The following RSRC1 variants were observed in gnomAD, a reference collection of about 807,000 sequenced individuals.
The protein encoded by RSRC1 is serine/Arginine-related protein 53.
A neutral mutation model predicts 49.1 loss-of-function variants in RSRC1; 39 were observed. The ratio of observed to expected loss-of-function variants is 0.79; its 90% confidence interval spans 0.61 to 1.04. The LOEUF (loss-of-function observed/expected upper bound fraction) is 1.04. Ranked by LOEUF, RSRC1 falls within the 50% of genes least tolerant of loss-of-function variation. The probability of loss-of-function intolerance (pLI) is 0.00; values close to 1 mark genes in which losing one functional copy is unlikely to be tolerated. For synonymous variants in RSRC1, 143 were observed against 130.8 expected, an observed-to-expected ratio of 1.09 and a Z score of -0.63; for missense variants, 388 against 402.4, an observed-to-expected ratio of 0.96 and a Z score of 0.31.
At chr3:158,353,589 T>C (rs557375583) in intron 5 of RSRC1, among the ~76,000 whole-genome samples, 1 of 152,332 alleles carries the variant, frequency 6.6e-6, no homozygotes, top group East Asian at 1.9e-4. Context: ...ACTTGTCTCA[T>C]CTACCACTCT....
intron 5 of RSRC1, among the ~76,000 whole-genome samples, chr3:158,309,625 A>G (rs1021788089): frequency 1.3e-5 from 2 of 151,816 alleles, no homozygotes; most frequent in Non-Finnish European, 1.5e-5. Flanking sequence ...TTATACTGGT[A>G]CACTCTTATA....
At chr3:158,299,117 G>A (rs2108119475) in intron 5 of RSRC1, among the ~76,000 whole-genome samples, 1 of 152,154 alleles carries the variant, frequency 6.6e-6, no homozygotes, top group East Asian at 1.9e-4. Context: ...TCAGAAGTTA[G>A]TAAATAACAT....
intron 6 of RSRC1, among the ~76,000 whole-genome samples, chr3:158,388,798 A>T (rs902935668): frequency 6.6e-6 from 1 of 151,898 alleles, no homozygotes; most frequent in Non-Finnish European, 1.5e-5. Context: ...TTTAGTAGAG[A>T]TGGGGTTTCA....
chr3:158,137,135 C>T (rs1304356765), intron 3 of RSRC1, among the ~76,000 whole-genome samples: 1 of 152,144 alleles, frequency 6.6e-6, no homozygotes, highest in African/African-American at 2.4e-5. Flanking sequence ...AGCACTTTTA[C>T]ACTGACATGC....
chr3:158,311,280 C>G (rs147341412), intron 5 of RSRC1, among the ~76,000 whole-genome samples: 152 of 151,918 alleles, frequency 1.0e-3, no homozygotes, highest in African/African-American at 3.4e-3. Context: ...TATATAGTCC[C>G]TTAGCACCTG....
intron 3 of RSRC1, among the ~76,000 whole-genome samples, chr3:158,137,089 CTATT>C (rs1228542708): frequency 6.6e-6 from 1 of 152,132 alleles, no homozygotes; most frequent in African/African-American, 2.4e-5. Flanking sequence ...ATTCAGGTCA[CTATT>C]TATTTTCATT....
intron 7 of RSRC1, among the ~76,000 whole-genome samples, chr3:158,530,439 T>C (rs1712316057): frequency 6.6e-6 from 1 of 151,962 alleles, no homozygotes; most frequent in Non-Finnish European, 1.5e-5. Context: ...TCTAGCCCTC[T>C]AGCCTGCTCT....
chr3:158,341,742 C>T (rs1730253231), intron 5 of RSRC1, among the ~76,000 whole-genome samples: 4 of 152,142 alleles, frequency 2.6e-5, no homozygotes, highest in Admixed American at 2.6e-4. Context: ...CCCAGAATCA[C>T]AGATCTATTG....
intron 4 of RSRC1, among the ~76,000 whole-genome samples, chr3:158,229,355 CACAT>C (rs1222983167): frequency 0.14 from 12,999 of 93,624 alleles, 2,254 homozygotes; most frequent in East Asian, 0.42. Context: ...TATATATATA[CACAT>C]ATACACACGT....
intron 3 of RSRC1, among the ~76,000 whole-genome samples, chr3:158,156,805 T>TA: frequency 6.6e-6 from 1 of 152,278 alleles, no homozygotes; most frequent in South Asian, 2.1e-4. Flanking sequence ...TGAAAATAAT[T>TA]AGAGTAGTAA....
At chr3:158,513,319 G>A (rs1160408200) in intron 7 of RSRC1, among the ~76,000 whole-genome samples, 1 of 151,942 alleles carries the variant, frequency 6.6e-6, no homozygotes. Context: ...AGAGTTTTTA[G>A]CATGAAGGGT....
chr3:158,447,355 T>G (rs891770204), intron 6 of RSRC1, among the ~76,000 whole-genome samples: 2 of 152,044 alleles, frequency 1.3e-5, no homozygotes, highest in Admixed American at 6.6e-5. Flanking sequence ...GAATATTAAT[T>G]TATTAATAAC....
chr3:158,293,868 T>C (rs1408147491), intron 4 of RSRC1, among the ~76,000 whole-genome samples: 2 of 152,130 alleles, frequency 1.3e-5, no homozygotes, highest in Non-Finnish European at 2.9e-5. Flanking sequence ...TCTTCTTGTC[T>C]TCACTTTAGT....
intron 3 of RSRC1, among the ~76,000 whole-genome samples, chr3:158,184,683 A>G (rs1399870058): frequency 6.6e-6 from 1 of 152,156 alleles, no homozygotes; most frequent in Non-Finnish European, 1.5e-5. Context: ...CATTTAAGTT[A>G]TGTTTTACAT....
intron 4 of RSRC1, among the ~76,000 whole-genome samples, chr3:158,286,035 T>C (rs2108088386): frequency 6.6e-6 from 1 of 152,316 alleles, no homozygotes; most frequent in Non-Finnish European, 1.5e-5. Flanking sequence ...TTCCTAACTG[T>C]TTAAATGTGT....
intron 4 of RSRC1, among the ~76,000 whole-genome samples, chr3:158,256,914 G>A (rs1426795813): frequency 2.0e-5 from 3 of 151,938 alleles, no homozygotes; most frequent in East Asian, 1.9e-4. Flanking sequence ...ATCCATGGTG[G>A]TATCTCCTTT....
intron 8 of RSRC1, among the ~76,000 whole-genome samples, chr3:158,541,312 C>G (rs1229110888): frequency 2.0e-5 from 3 of 152,140 alleles, no homozygotes; most frequent in African/African-American, 4.8e-5. Context: ...CTTCCTGATC[C>G]CCATCATTCT....
intron 5 of RSRC1, among the ~76,000 whole-genome samples, chr3:158,312,096 T>G (rs1225923318): frequency 6.6e-6 from 1 of 150,994 alleles, no homozygotes; most frequent in Non-Finnish European, 1.5e-5. Context: ...TAGAGTGTTA[T>G]TTTGGTTGTT....
intron 5 of RSRC1, among the ~76,000 whole-genome samples, chr3:158,337,319 C>G (rs537765965): frequency 2.0e-5 from 3 of 152,120 alleles, no homozygotes; most frequent in African/African-American, 7.2e-5. Context: ...TCATGTGATC[C>G]GTTTTTTCTG....
Sources: gnomAD v4.1 joint callset for allele counts (sites outside exome capture counted in the v4.1 genomes callset) on GRCh38, gnomAD v4.1.1 for gene constraint, MANE v1.5 for transcripts, NCBI Gene and HGNC (gene_info 2026-07-23, HGNC 2026-07-21) for gene names.